The following AGBL4 variants were observed in gnomAD, a reference collection of about 807,000 sequenced individuals.
AGBL4 encodes the protein AGBL carboxypeptidase 4.
Under a neutral mutation model 66.4 loss-of-function variants are expected in AGBL4, and 58 were observed. The observed-to-expected ratio is 0.87, with a 90% confidence interval of 0.71 to 1.09. AGBL4 has a LOEUF of 1.09. Ranked by LOEUF, AGBL4 falls within the 50% of genes least tolerant of loss-of-function variation. The pLI is 0.00. For synonymous variants in AGBL4, 234 were observed against 222.9 expected (o/e 1.05, Z -0.44); for missense variants, 579 against 631.0 (o/e 0.92, Z 0.88).
chr1:49,371,829 G>C (rs1441289303), intron 3 of AGBL4, among the ~76,000 whole-genome samples: 3 of 134,302 alleles, frequency 2.2e-5, no homozygotes, highest in Non-Finnish European at 4.9e-5. Flanking sequence ...GTGTGTGTGT[G>C]TGTGTGTGTG....
At chr1:48,758,729 T>C (rs1644082607) in intron 6 of AGBL4, among the ~76,000 whole-genome samples, 1 of 152,190 alleles carries the variant, frequency 6.6e-6, no homozygotes, top group Non-Finnish European at 1.5e-5. Flanking sequence ...TCCTACCAGA[T>C]TCACTATGAG....
chr1:49,331,130 C>G (rs551678057), intron 3 of AGBL4, among the ~76,000 whole-genome samples: 39 of 151,900 alleles, frequency 2.6e-4, no homozygotes, highest in Non-Finnish European at 3.4e-4. Flanking sequence ...TGTGGAGTCT[C>G]GGCAGAGCTG....
intron 4 of AGBL4, among the ~76,000 whole-genome samples, chr1:49,216,649 AC>A (rs1374141908): frequency 6.6e-6 from 1 of 152,142 alleles, no homozygotes; most frequent in East Asian, 1.9e-4. Context: ...TATATATATC[AC>A]ATTTTCTAGA....
At chr1:49,231,425 C>T (rs1431538085) in intron 4 of AGBL4, among the ~76,000 whole-genome samples, 2 of 152,170 alleles carry the variant, frequency 1.3e-5, no homozygotes, top group Non-Finnish European at 2.9e-5. Flanking sequence ...GCTAGAGATA[C>T]TGTTTTTCTT....
At chr1:48,853,418 A>G (rs1257487870) in intron 6 of AGBL4, among the ~76,000 whole-genome samples, 1 of 152,248 alleles carries the variant, frequency 6.6e-6, no homozygotes, top group Non-Finnish European at 1.5e-5. Flanking sequence ...GCTGAGGTTT[A>G]GGGTAATTTG....
At chr1:49,368,862 C>T (rs535238821) in intron 3 of AGBL4, among the ~76,000 whole-genome samples, 4 of 152,174 alleles carry the variant, frequency 2.6e-5, no homozygotes, top group Non-Finnish European at 4.4e-5. Context: ...ATCACTTGAA[C>T]GCAGGAGTTT....
chr1:49,601,907 G>A (rs1448987603), intron 3 of AGBL4, among the ~76,000 whole-genome samples: 1 of 152,136 alleles, frequency 6.6e-6, no homozygotes, highest in Non-Finnish European at 1.5e-5. Context: ...TCACTGGAGT[G>A]AACAGGCAAC....
At chr1:48,590,521 A>G (rs1340689213) in intron 10 of AGBL4, among the ~76,000 whole-genome samples, 1 of 152,064 alleles carries the variant, frequency 6.6e-6, no homozygotes, top group Non-Finnish European at 1.5e-5. Flanking sequence ...ATACCACTGC[A>G]CCCCGGCCTG....
At chr1:49,824,778 C>T (rs1011538424) in intron 2 of AGBL4, among the ~76,000 whole-genome samples, 2 of 152,128 alleles carry the variant, frequency 1.3e-5, no homozygotes, top group African/African-American at 4.8e-5. Context: ...AAAACTAAGG[C>T]AAAGAGGGCT....
intron 2 of AGBL4, among the ~76,000 whole-genome samples, chr1:49,741,568 G>A (rs1159726189): frequency 6.6e-6 from 1 of 152,126 alleles, no homozygotes; most frequent in African/African-American, 2.4e-5. Flanking sequence ...GCATCATCCT[G>A]ATACCAAAGC....
chr1:48,801,027 C>T (rs1645794320), intron 6 of AGBL4, among the ~76,000 whole-genome samples: 1 of 151,944 alleles, frequency 6.6e-6, no homozygotes, highest in Non-Finnish European at 1.5e-5. Context: ...GTTCTCAGGC[C>T]AATGCAGTTA....
chr1:49,128,765 G>A (rs931115863), intron 4 of AGBL4, among the ~76,000 whole-genome samples: 14 of 151,840 alleles, frequency 9.2e-5, no homozygotes, highest in African/African-American at 2.9e-4. Context: ...TAAAATTTCT[G>A]GAAGAACACA....
At chr1:49,741,385 G>C (rs1307169456) in intron 2 of AGBL4, among the ~76,000 whole-genome samples, 2 of 152,064 alleles carry the variant, frequency 1.3e-5, no homozygotes, top group Non-Finnish European at 2.9e-5. Flanking sequence ...CCAATAACAG[G>C]CTCTGAAATT....
intron 5 of AGBL4, among the ~76,000 whole-genome samples, chr1:48,910,185 G>A (rs1374467359): frequency 6.6e-6 from 1 of 152,222 alleles, no homozygotes; most frequent in Admixed American, 6.5e-5. Context: ...ATTCCACACA[G>A]ATGAGGCTGA....
chr1:49,953,042 A>G (rs1435767378), intron 1 of AGBL4, among the ~76,000 whole-genome samples: 1 of 151,994 alleles, frequency 6.6e-6, no homozygotes, highest in Non-Finnish European at 1.5e-5. Context: ...ATCTGGACAC[A>G]TAAAGCAAGC....
At position 49,350,803 on chromosome 1, in the gene AGBL4, T is replaced by C. The variant is rs1195015205; in HGVS notation, c.283-104939A>G. Among the ~76,000 whole-genome samples the C allele has an allele frequency of 3.9e-5, 6 of 152,154 alleles. No homozygotes were observed. In the South Asian group the frequency reaches 6.2e-4, roughly 16 times the overall value. ...CCCAGAGTCCATTATATCATTCTTA[T>C]ACCTTTGTGTTCTCAATAGGACCAG... On this transcript the variant is annotated intron_variant, in intron 3 of 13. Transcript: ENST00000371839.
At chr1:49,515,930 C>A (rs1196954964) in intron 3 of AGBL4, among the ~76,000 whole-genome samples, 2 of 150,568 alleles carry the variant, frequency 1.3e-5, no homozygotes, top group Non-Finnish European at 3.0e-5. Flanking sequence ...GGAGATATAC[C>A]TAATGTTAAA....
At chr1:49,633,096 A>T (rs905363759) in intron 3 of AGBL4, among the ~76,000 whole-genome samples, 30 of 152,148 alleles carry the variant, frequency 2.0e-4, no homozygotes, top group African/African-American at 7.2e-4. Flanking sequence ...GTAAATAAAA[A>T]TAAAAATAAA....
intron 5 of AGBL4, among the ~76,000 whole-genome samples, chr1:48,869,419 A>G (rs1405250810): frequency 2.0e-5 from 3 of 152,340 alleles, no homozygotes; most frequent in African/African-American, 7.2e-5. Context: ...ACATAAGGGA[A>G]GAATCCATCA....
Sources: gnomAD v4.1 joint callset for allele counts (sites outside exome capture counted in the v4.1 genomes callset) on GRCh38, gnomAD v4.1.1 for gene constraint, MANE v1.5 for transcripts, NCBI Gene and HGNC (gene_info 2026-07-23, HGNC 2026-07-21) for gene names.